Variants in ABCB7 observed in about 807,000 individuals in gnomAD.
ABCB7 encodes iron-sulfur clusters transporter ABCB7, mitochondrial.
ABCB7 carries 7 observed loss-of-function variants against 54.4 expected under a neutral mutation model. That is an observed-to-expected ratio of 0.13 (90% CI 0.07 to 0.24). The LOEUF (loss-of-function observed/expected upper bound fraction) is 0.24. Among genes scored for constraint, ABCB7 ranks in the 10% least tolerant of loss-of-function variants. The pLI is 1.00. For synonymous variants in ABCB7, 218 were observed against 207.1 expected (o/e 1.05, Z -0.45); for missense variants, 356 against 570.4 (o/e 0.62, Z 3.83).
chrX:75,122,453 T>C (rs2081887806), intron 1 of ABCB7, among the ~76,000 whole-genome samples: 1 of 112,584 alleles, frequency 8.9e-6, no homozygotes, highest in African/African-American at 3.2e-5. Flanking sequence ...GCCTATGGAA[T>C]AGCCATTCTG....
At chrX:75,071,720 A>C in intron 8 of ABCB7, 37 bp from the exon 9 acceptor site, 2 of 940,378 alleles carry the variant, frequency 2.1e-6, no homozygotes, top group South Asian at 4.4e-5. Context: ...GGCAAGTATA[A>C]TTAGAATTTA....
intron 4 of ABCB7, among the ~76,000 whole-genome samples, chrX:75,089,519 C>T (rs2081528045): frequency 1.8e-5 from 2 of 110,274 alleles, no homozygotes; most frequent in Non-Finnish European, 3.8e-5. Context: ...AATGCAAACT[C>T]TATGGCAACC....
intron 14 of ABCB7, 111 bp from the exon 15 acceptor site, chrX:75,060,441 T>C: frequency 7.0e-6 from 4 of 574,371 alleles, no homozygotes; most frequent in East Asian, 3.6e-5. Flanking sequence ...AAATGCCAGT[T>C]TTTTTTTAGT....
rs745321861 is a variant in ABCB7, at chrX:75,151,593, C to G, written c.168+4512G>C. On this transcript the variant is annotated intron_variant, in intron 1 of 15. Transcript: ENST00000373394. ...ACTTACCCTATGTTGCTCCTGAATA[C>G]TACACCAGTAGTAAACTAGGATCAC... Among the ~76,000 whole-genome samples the G allele has an allele frequency of 2.2e-4, 25 of 111,961 alleles. 1 individual carries two copies. The South Asian group carries it at 2.6e-3, about 12-fold the overall frequency.
chrX:75,080,046 G>A (rs775723620), intron 4 of ABCB7, among the ~76,000 whole-genome samples: 3 of 111,977 alleles, frequency 2.7e-5, no homozygotes, highest in Non-Finnish European at 3.8e-5. Flanking sequence ...TGCATGTATC[G>A]ATAGCTCATC....
intron 1 of ABCB7, among the ~76,000 whole-genome samples, chrX:75,150,501 C>A (rs2082123294): frequency 9.0e-6 from 1 of 110,836 alleles, no homozygotes; most frequent in Non-Finnish European, 1.9e-5. Flanking sequence ...AAAAAATGCT[C>A]ACAAGTAAAA....
intron 4 of ABCB7, among the ~76,000 whole-genome samples, chrX:75,092,823 A>G (rs1254287086): frequency 8.9e-6 from 1 of 111,987 alleles, no homozygotes; most frequent in Non-Finnish European, 1.9e-5. Flanking sequence ...GCTCAACATC[A>G]TATGTCATTA....
chrX:75,053,348 A>G lies in ABCB7; in HGVS notation c.*22T>C, dbSNP rs768355588. 1.7e-6 allele frequency: 2 copies of G among 1,210,684 alleles called. No individual in the cohort carries two copies. The highest frequency in any genetic ancestry group is 2.2e-6 in the Non-Finnish European group (2 of 895,254). On this transcript the variant is annotated 3_prime_UTR_variant, in exon 16 of 16. Coordinates refer to ENST00000373394, the MANE Select transcript of ABCB7 (RefSeq NM_001271696.3). ...CAAATATGTAGTCCAAAACAACAAA[A>G]AAAGAAAATGTCTTATGTGACTTAG...
chrX:75,110,435 G>A (rs926661704), intron 3 of ABCB7, among the ~76,000 whole-genome samples: 16 of 111,348 alleles, frequency 1.4e-4, no homozygotes, highest in Non-Finnish European at 2.5e-4. Context: ...AATCCTCCAA[G>A]TTACTCCAAG....
rs749596950 is a variant in ABCB7, at chrX:75,070,451, G to A, written c.1279C>T (p.Leu427=). 6 of 1,209,837 alleles carry A rather than the reference G, an allele frequency of 5.0e-6. 1 individual carries two copies. In the South Asian group the frequency reaches 1.1e-4, roughly 21 times the overall value. The change falls in exon 10 of 16, where the codon CTG becomes TTG. Residue 427 remains leucine, a synonymous_variant. Transcript: ENST00000373394. The part of the protein sequence containing the change: ...LFQLSLPLNF[L]GTVYRETRQA... ...CTAGTCTCTCTATATACAGTTCCCAGAAAGTTCAGGGGTAATGAAAGCTGA... is the reference window on the plus strand; with the variant it reads ...CTAGTCTCTCTATATACAGTTCCCAAAAAGTTCAGGGGTAATGAAAGCTGA...
At chrX:75,079,531 T>C (rs2081438629) in intron 4 of ABCB7, among the ~76,000 whole-genome samples, 1 of 111,771 alleles carries the variant, frequency 8.9e-6, no homozygotes. Flanking sequence ...ATGAGACTCA[T>C]AGCTGCAAAA....
chrX:75,051,141 GA>G lies in ABCB7; in HGVS notation c.*2228del, dbSNP rs752924937. 0.011 allele frequency among the ~76,000 whole-genome samples: 971 copies of G among 84,653 alleles called. 12 individuals are homozygous for G. Among genetic ancestry groups the G allele is most frequent in the African/African-American group, 0.034 (844 of 24,512 alleles). The allele number at this position is 84,653 out of a possible 115,157, so 73.5% of individuals were successfully genotyped here. A position where few individuals can be genotyped will look rare whatever the true frequency, so the allele number is the denominator to read the frequency against. ...TTTCAGAGTAAGAAATGTTGAAAAG[GA>G]AAAAAAAAAAAAAACTAATCCACTT... On this transcript the variant is annotated 3_prime_UTR_variant, in exon 16 of 16. Transcript: ENST00000373394.
intron 1 of ABCB7, among the ~76,000 whole-genome samples, chrX:75,136,060 G>T (rs1332681017): frequency 9.1e-6 from 1 of 110,023 alleles, no homozygotes; most frequent in Non-Finnish European, 1.9e-5. Context: ...CAGATGATAT[G>T]ATACTATCAT....
chrX:75,066,199 CT>C (rs2081316514), intron 12 of ABCB7, among the ~76,000 whole-genome samples: 1 of 111,512 alleles, frequency 9.0e-6, no homozygotes, highest in African/African-American at 3.2e-5. Context: ...TTCTTTCAAT[CT>C]CTAAACGGTT....
chrX:75,098,866 C>T lies in ABCB7; in HGVS notation c.453+76G>A, dbSNP rs2081614839. 4 of 1,184,250 alleles carry T rather than the reference C, an allele frequency of 3.4e-6. No individual in the cohort carries two copies. In the South Asian group the frequency reaches 7.1e-5, roughly 21 times the overall value. Reference sequence around the variant, plus strand: ...GTCATGCTACCCCAAAAGTGATTTACACCAGGCCCAGGATTCATAACTAGA... The same window carrying T: ...GTCATGCTACCCCAAAAGTGATTTATACCAGGCCCAGGATTCATAACTAGA... On this transcript the variant is annotated intron_variant, in intron 4 of 15. Coordinates refer to ENST00000373394, the MANE Select transcript of ABCB7 (RefSeq NM_001271696.3).
intron 1 of ABCB7, among the ~76,000 whole-genome samples, chrX:75,141,373 A>G (rs1011974987): frequency 2.7e-5 from 3 of 111,607 alleles, no homozygotes; most frequent in Non-Finnish European, 3.8e-5. Flanking sequence ...CAATGTTTTT[A>G]TATTTGGGTG....
At chrX:75,077,332 T>C (rs2081418878) in intron 4 of ABCB7, among the ~76,000 whole-genome samples, 1 of 111,893 alleles carries the variant, frequency 8.9e-6, no homozygotes. Context: ...ATAATGAACC[T>C]ATTTCTCCAT....
intron 1 of ABCB7, among the ~76,000 whole-genome samples, chrX:75,121,539 G>A (rs1295235730): frequency 9.0e-6 from 1 of 111,310 alleles, no homozygotes; most frequent in East Asian, 2.8e-4. Flanking sequence ...GAGCCTGCTT[G>A]TTCCTGTGAT....
At chrX:75,132,185 C>T (rs908605817) in intron 1 of ABCB7, among the ~76,000 whole-genome samples, 4 of 112,240 alleles carry the variant, frequency 3.6e-5, no homozygotes, top group Non-Finnish European at 7.5e-5. Flanking sequence ...TACTACAGTA[C>T]TACCGGCCTT....
Sources: gnomAD v4.1 joint callset for allele counts (sites outside exome capture counted in the v4.1 genomes callset) on GRCh38, gnomAD v4.1.1 for gene constraint, MANE v1.5 for transcripts, NCBI Gene and HGNC (gene_info 2026-07-23, HGNC 2026-07-21) for gene names.